ADARB1: variants seen among roughly 807,000 people sequenced by gnomAD.
The protein encoded by ADARB1 is double-stranded RNA-specific editase 1.
A neutral mutation model predicts 52.4 loss-of-function variants in ADARB1; 10 were observed. The observed-to-expected ratio is 0.19, with a 90% CI of 0.12 to 0.32. ADARB1 has a LOEUF of 0.32. Among genes scored for constraint, ADARB1 ranks in the 10% least tolerant of loss-of-function variants. ADARB1 has a pLI of 1.00. For missense variants in ADARB1, 643 were observed against 922.3 expected, an observed-to-expected ratio of 0.70 and a Z score of 3.92; for synonymous variants, 349 against 371.1, an observed-to-expected ratio of 0.94 and a Z score of 0.68.
intron 2 of ADARB1, among the ~76,000 whole-genome samples, chr21:45,139,704 G>A (rs2089605006): frequency 6.6e-6 from 1 of 152,214 alleles, no homozygotes; most frequent in Admixed American, 6.5e-5. Context: ...GCCTCTCCGT[G>A]TTCTCTTGTT....
At chr21:45,199,850 G>A (rs2092510942) in intron 8 of ADARB1, among the ~76,000 whole-genome samples, 1 of 152,206 alleles carries the variant, frequency 6.6e-6, no homozygotes, top group Non-Finnish European at 1.5e-5. Flanking sequence ...CATCCATTTG[G>A]AGGATCCTTG....
At chr21:45,152,680 GA>G in intron 2 of ADARB1, 1 of 449,512 alleles carries the variant, frequency 2.2e-6, no homozygotes. Flanking sequence ...GGTATAAAAG[GA>G]GGCGCAAGAA....
chr21:45,152,809 A>T (rs1264539090), intron 2 of ADARB1: 1 of 180,114 alleles, frequency 5.6e-6, no homozygotes, highest in African/African-American at 2.4e-5. Context: ...AATCTTGCTG[A>T]TGCCAGTTAC....
At position 45,197,289 on chromosome 21, in the gene ADARB1, C is replaced by T. The variant is rs922254295; in HGVS notation, c.1566-7266C>T. 2.0e-5 allele frequency among the ~76,000 whole-genome samples: 3 copies of T among 152,232 alleles called. No homozygotes were observed. In the South Asian group the frequency reaches 6.2e-4, roughly 32 times the overall value. On this transcript the variant is annotated intron_variant, in intron 8 of 10. Coordinates refer to ENST00000348831, the MANE Select transcript of ADARB1 (RefSeq NM_001112.4). Reference sequence around the variant, plus strand: ...GGCCGAGGCGGGTGGATCACAAGGTCAGGAGTTCAAAACCAGCCTGGCCAG... The same window carrying T: ...GGCCGAGGCGGGTGGATCACAAGGTTAGGAGTTCAAAACCAGCCTGGCCAG...
intron 1 of ADARB1, among the ~76,000 whole-genome samples, chr21:45,111,606 G>A (rs558432463): frequency 1.3e-5 from 2 of 152,268 alleles, no homozygotes; most frequent in South Asian, 4.2e-4. Flanking sequence ...CCTATGCTTA[G>A]CCTATTTTTT....
rs199854928 is a variant in ADARB1 at position 45,204,776 on chromosome 21, G to T, written c.1747+40G>T. 3.3e-4 allele frequency: 534 copies of T among 1,594,218 alleles called. 3 individuals carry two copies. In the African/African-American group the frequency reaches 6.2e-3, roughly 18 times the overall value. ...AGTGTGCTGATTTAATCTCTGTCTT[G>T]ATTTTGCAATGTTTTCATCCTCATG... On this transcript the variant is annotated intron_variant, in intron 9 of 10. Transcript: ENST00000348831. The surrounding 1 kb of genome is among the most constrained non-coding windows in gnomAD (Gnocchi z 4.4).
At chr21:45,218,206 C>T (rs1248538509) in intron 9 of ADARB1, among the ~76,000 whole-genome samples, 2 of 152,174 alleles carry the variant, frequency 1.3e-5, no homozygotes, top group African/African-American at 4.8e-5. Flanking sequence ...CCTACCTAAA[C>T]CTGCCCCATA....
intron 1 of ADARB1, among the ~76,000 whole-genome samples, chr21:45,090,488 A>G (rs762773202): frequency 2.0e-5 from 3 of 152,098 alleles, no homozygotes; most frequent in Admixed American, 6.5e-5. Flanking sequence ...CCAATTTCCA[A>G]GTTATAAATG....
intron 7 of ADARB1, 132 bp from the exon 8 acceptor site, chr21:45,184,791 G>A: frequency 9.7e-7 from 1 of 1,029,492 alleles, no homozygotes; most frequent in Non-Finnish European, 1.4e-6. Context: ...TATTTTGTAT[G>A]TATGGCATAA....
chr21:45,199,786 A>G (rs1200307951), intron 8 of ADARB1, among the ~76,000 whole-genome samples: 5 of 152,228 alleles, frequency 3.3e-5, no homozygotes, highest in South Asian at 4.1e-4. Context: ...CATGTGACCA[A>G]CAAAGGATTC....
At chr21:45,168,622 C>A (rs368599580) in intron 2 of ADARB1, among the ~76,000 whole-genome samples, 1 of 152,320 alleles carries the variant, frequency 6.6e-6, no homozygotes, top group Admixed American at 6.5e-5. Context: ...GTGGTGTATT[C>A]GGGGTTCTCT....
chr21:45,180,514 G>T, intron 5 of ADARB1, 70 bp downstream of exon 5: 2 of 1,286,296 alleles, frequency 1.6e-6, no homozygotes, highest in Admixed American at 1.9e-5. Flanking sequence ...GTTCTCAATC[G>T]ACAAAAACCA....
intron 2 of ADARB1, among the ~76,000 whole-genome samples, chr21:45,131,405 A>G (rs576281828): frequency 1.3e-5 from 2 of 152,358 alleles, no homozygotes; most frequent in East Asian, 1.9e-4. Flanking sequence ...TTAAAAGTAT[A>G]GAAAAATGCA....
intron 2 of ADARB1, among the ~76,000 whole-genome samples, chr21:45,151,762 G>T (rs907602557): frequency 1.3e-5 from 2 of 152,210 alleles, no homozygotes; most frequent in Non-Finnish European, 2.9e-5. Context: ...TATGATGTGT[G>T]TATGTGATGT....
intron 6 of ADARB1, among the ~76,000 whole-genome samples, chr21:45,182,965 A>G (rs557417465): frequency 1.1e-4 from 16 of 152,236 alleles, no homozygotes; most frequent in Admixed American, 2.0e-4. Context: ...ATGGTCATAA[A>G]TTTCAAGTCT....
intron 1 of ADARB1, among the ~76,000 whole-genome samples, chr21:45,121,831 G>A (rs982356191): frequency 2.0e-5 from 3 of 152,130 alleles, no homozygotes; most frequent in Admixed American, 2.0e-4. Context: ...TTTAGCCGTT[G>A]TTTTCTGTAC....
chr21:45,088,644 T>A (rs979736067), intron 1 of ADARB1, among the ~76,000 whole-genome samples: 3 of 152,214 alleles, frequency 2.0e-5, no homozygotes, highest in African/African-American at 7.2e-5. Context: ...GGATGCTGAT[T>A]AGTGGGCCAG....
chr21:45,083,901 G>C (rs193192808), intron 1 of ADARB1, among the ~76,000 whole-genome samples: 1 of 152,092 alleles, frequency 6.6e-6, no homozygotes, highest in Non-Finnish European at 1.5e-5. Context: ...GGGTTTTACC[G>C]TGTTGCCCAG....
At chr21:45,143,460 C>T (rs938940372) in intron 2 of ADARB1, among the ~76,000 whole-genome samples, 1 of 152,198 alleles carries the variant, frequency 6.6e-6, no homozygotes, top group African/African-American at 2.4e-5. Context: ...GTGGGCGGTG[C>T]CTTCAGGACA....
Sources: gnomAD v4.1 joint callset for allele counts (sites outside exome capture counted in the v4.1 genomes callset) on GRCh38, gnomAD v4.1.1 for gene constraint, Gnocchi (gnomAD v3.1) non-coding constraint, MANE v1.5 for transcripts, NCBI Gene and HGNC (gene_info 2026-07-23, HGNC 2026-07-21) for gene names.